Variants in JPH1 observed in about 807,000 individuals in gnomAD.
JPH1 encodes the protein junctophilin 1, also known as junctophilin-1.
In JPH1, 12 loss-of-function variants were observed where a neutral mutation model predicts 53.6. The ratio of observed to expected loss-of-function variants is 0.22; its 90% CI spans 0.14 to 0.36. JPH1 has a LOEUF of 0.36. JPH1 is among the 10% of genes least tolerant of loss of function. The pLI is 1.00. For synonymous variants in JPH1, 375 were observed against 363.8 expected, an observed-to-expected ratio of 1.03 and a Z score of -0.35; for missense variants, 808 against 905.5, an observed-to-expected ratio of 0.89 and a Z score of 1.38.
intron 3 of JPH1, among the ~76,000 whole-genome samples, chr8:74,256,056 G>T (rs1287268488): frequency 6.6e-6 from 1 of 152,120 alleles, no homozygotes; most frequent in Non-Finnish European, 1.5e-5. Flanking sequence ...ATACGCAAAG[G>T]ATTATAAATC....
chr8:74,287,959 A>AT (rs201505792), intron 2 of JPH1, among the ~76,000 whole-genome samples: 12,211 of 148,928 alleles, frequency 0.082, 646 homozygotes, highest in African/African-American at 0.15. Context: ...AGCTGACAAT[A>AT]TTTTTTTTTT....
chr8:74,260,373 G>A lies in JPH1; in HGVS notation c.1140-870C>T, dbSNP rs573107328. On this transcript the variant is annotated intron_variant, in intron 2 of 5. Coordinates refer to ENST00000342232, the MANE Select transcript of JPH1 (RefSeq NM_020647.4). Reference sequence around the variant, plus strand: ...TCTTATGGCTGCACCAGGGAATGATGTCTACTGGCCCCAGAGAGGGTTGGA... The same window carrying A: ...TCTTATGGCTGCACCAGGGAATGATATCTACTGGCCCCAGAGAGGGTTGGA... Among the ~76,000 whole-genome samples the A allele has an allele frequency of 3.3e-5, 5 of 152,250 alleles. No homozygotes were observed. The East Asian group carries it at 9.7e-4, about 29-fold the overall frequency.
chr8:74,282,253 G>C (rs1050645228), intron 2 of JPH1, among the ~76,000 whole-genome samples: 2 of 152,012 alleles, frequency 1.3e-5, no homozygotes, highest in Non-Finnish European at 2.9e-5. Context: ...GTGTGAAAAA[G>C]ATTAGTCCCC....
intron 2 of JPH1, among the ~76,000 whole-genome samples, chr8:74,276,629 A>C (rs2131413740): frequency 6.6e-6 from 1 of 152,342 alleles, no homozygotes; most frequent in Admixed American, 6.5e-5. Flanking sequence ...TCTGCATAAC[A>C]TCTGTCATCT....
rs1041209862 is a variant in JPH1, at chr8:74,320,504, G to C, written c.379+405C>G. 1.3e-5 allele frequency among the ~76,000 whole-genome samples: 2 copies of C among 152,136 alleles called. No individual in the cohort carries two copies. Among genetic ancestry groups the C allele is most frequent in the Admixed American group, 6.5e-5 (1 of 15,280 alleles). ...CTCAGGGTGTTCGCTCTAACTCCAC[G>C]GGAGTGGCGATTTCAAACCCGGCCG... On this transcript the variant is annotated intron_variant, in intron 1 of 5. Coordinates refer to ENST00000342232, the MANE Select transcript of JPH1 (RefSeq NM_020647.4). This position sits in a 1 kb window ranked among gnomAD's most constrained non-coding sequence, Gnocchi z 4.4.
At position 74,236,984 on chromosome 8, in the gene JPH1, G is replaced by T; in HGVS notation, c.*67C>A. On this transcript the variant is annotated 3_prime_UTR_variant, in exon 6 of 6. Coordinates refer to ENST00000342232, the MANE Select transcript of JPH1 (RefSeq NM_020647.4). Reference sequence around the variant, plus strand: ...GGGTGGGCCATTTAAAGGGCTGACGGCACCACTGCAGAGAACTGTGGGCTA... The same window carrying T: ...GGGTGGGCCATTTAAAGGGCTGACGTCACCACTGCAGAGAACTGTGGGCTA... The T allele has an allele frequency of 2.5e-6, 1 of 399,772 alleles. No homozygotes were observed. The allele number at this position is 399,772 out of a possible 1,614,324, so 24.8% of individuals were successfully genotyped here.
chr8:74,259,752 C>T (rs1375615587), intron 2 of JPH1, among the ~76,000 whole-genome samples: 1 of 152,234 alleles, frequency 6.6e-6, no homozygotes, highest in East Asian at 1.9e-4. Context: ...GTCTGTGTAG[C>T]TTGATGCTAA....
At chr8:74,287,161 G>A (rs550061332) in intron 2 of JPH1, among the ~76,000 whole-genome samples, 2 of 152,312 alleles carry the variant, frequency 1.3e-5, no homozygotes, top group African/African-American at 2.4e-5. Context: ...GCTGGGCACA[G>A]TTGCTCACAC....
chr8:74,312,646 C>T (rs1808030929), intron 2 of JPH1, among the ~76,000 whole-genome samples: 1 of 151,516 alleles, frequency 6.6e-6, no homozygotes, highest in African/African-American at 2.4e-5. Context: ...GTAACTGAAA[C>T]TTCGTATCTG....
At chr8:74,291,155 T>C (rs2131432567) in intron 2 of JPH1, among the ~76,000 whole-genome samples, 1 of 152,174 alleles carries the variant, frequency 6.6e-6, no homozygotes, top group South Asian at 2.1e-4. Context: ...CTAAAGAACT[T>C]CTGCACAGCA....
At chr8:74,303,079 T>C (rs1807731316) in intron 2 of JPH1, among the ~76,000 whole-genome samples, 1 of 152,158 alleles carries the variant, frequency 6.6e-6, no homozygotes, top group African/African-American at 2.4e-5. Context: ...CTGAATTGCA[T>C]TGTCATAAGG....
chr8:74,265,094 T>C (rs762135264), intron 2 of JPH1, among the ~76,000 whole-genome samples: 32 of 152,206 alleles, frequency 2.1e-4, no homozygotes, highest in South Asian at 6.2e-4. Flanking sequence ...TAACTCATTA[T>C]AGTGTCCTGC....
intron 2 of JPH1, among the ~76,000 whole-genome samples, chr8:74,267,616 C>T (rs879206497): frequency 4.6e-5 from 7 of 152,076 alleles, no homozygotes; most frequent in African/African-American, 1.4e-4. Flanking sequence ...CCCCAGAAGC[C>T]GGACTGAAGG....
chr8:74,293,218 T>G (rs1807391103), intron 2 of JPH1, among the ~76,000 whole-genome samples: 1 of 152,216 alleles, frequency 6.6e-6, no homozygotes. Context: ...TGACCTGTAT[T>G]TCACAAAAGC....
rs982885662 is a variant in JPH1 at position 74,315,726 on chromosome 8, C to A, written c.380-106G>T. 4 of 1,152,550 alleles carry A rather than the reference C, an allele frequency of 3.5e-6. No individual in the cohort carries two copies. The highest frequency in any genetic ancestry group is 4.7e-6 in the Non-Finnish European group (4 of 851,332). The allele number at this position is 1,152,550 out of a possible 1,614,324, so 71.4% of individuals were successfully genotyped here. On this transcript the variant is annotated intron_variant, in intron 1 of 5. Coordinates refer to ENST00000342232, the MANE Select transcript of JPH1 (RefSeq NM_020647.4). This position sits in a 1 kb window ranked among gnomAD's most constrained non-coding sequence, Gnocchi z 6.3. The stretch of plus-strand genomic sequence containing the variant: ...AGGCCTGCCCAAGGTCAAATCTGAC[C>A]CATTTCCAAGTCAACCCTGGGGGAT...
chr8:74,307,875 T>G (rs1473980122), intron 2 of JPH1, among the ~76,000 whole-genome samples: 1 of 152,236 alleles, frequency 6.6e-6, no homozygotes, highest in Admixed American at 6.5e-5. Flanking sequence ...TTATAATAAC[T>G]TAGCAGAGAA....
intron 2 of JPH1, among the ~76,000 whole-genome samples, chr8:74,292,429 A>C (rs1807360412): frequency 6.6e-6 from 1 of 152,092 alleles, no homozygotes; most frequent in African/African-American, 2.4e-5. Flanking sequence ...CCACTAATAC[A>C]CACTGCGGAG....
chr8:74,254,232 GT>G (rs1367802712), intron 3 of JPH1, among the ~76,000 whole-genome samples: 1 of 152,052 alleles, frequency 6.6e-6, no homozygotes, highest in African/African-American at 2.4e-5. Context: ...TGCAAGGCTG[GT>G]TCAACATACG....
intron 2 of JPH1, among the ~76,000 whole-genome samples, chr8:74,276,365 C>G (rs1337456179): frequency 1.3e-5 from 2 of 152,172 alleles, no homozygotes; most frequent in Non-Finnish European, 2.9e-5. Flanking sequence ...GAACTCTGCC[C>G]TTTGTAACAT....
Sources: gnomAD v4.1 joint callset for allele counts (sites outside exome capture counted in the v4.1 genomes callset) on GRCh38, gnomAD v4.1.1 for gene constraint, Gnocchi (gnomAD v3.1) non-coding constraint, MANE v1.5 for transcripts, NCBI Gene and HGNC (gene_info 2026-07-23, HGNC 2026-07-21) for gene names.